The following FAM120C variants were observed in gnomAD, a reference collection of about 807,000 sequenced individuals.
The protein encoded by FAM120C is constitutive coactivator of PPAR-gamma-like protein 2.
A neutral mutation model predicts 71.2 loss-of-function variants in FAM120C; 14 were observed. The observed-to-expected ratio is 0.20, with a 90% CI of 0.13 to 0.31. FAM120C has a LOEUF of 0.31. Ranked by LOEUF, FAM120C falls within the 10% of genes least tolerant of loss-of-function variation. The pLI is 1.00. For missense variants in FAM120C, 500 were observed against 879.0 expected, an observed-to-expected ratio of 0.57 and a Z score of 5.45; for synonymous variants, 354 against 353.2, an observed-to-expected ratio of 1.00 and a Z score of -0.03.
At chrX:54,130,142 G>A (rs1291626720) in intron 9 of FAM120C, among the ~76,000 whole-genome samples, 1 of 97,106 alleles carries the variant, frequency 1.0e-5, no homozygotes, top group East Asian at 3.4e-4. Flanking sequence ...TGGGGAGAGG[G>A]AGAGGGAGAG....
intron 1 of FAM120C, among the ~76,000 whole-genome samples, chrX:54,168,395 A>T (rs1476339435): frequency 9.0e-6 from 1 of 111,720 alleles, no homozygotes; most frequent in Non-Finnish European, 1.9e-5. Flanking sequence ...TTGGCTTCTC[A>T]AACTGCTGGG....
chrX:54,142,570 T>G (rs2067131382), intron 4 of FAM120C, among the ~76,000 whole-genome samples: 1 of 111,103 alleles, frequency 9.0e-6, no homozygotes, highest in African/African-American at 3.3e-5. Flanking sequence ...GAGGCTTGAG[T>G]AGGTAAACGA....
intron 13 of FAM120C, 88 bp downstream of exon 13, chrX:54,085,627 C>T (rs1350996763): frequency 1.2e-5 from 10 of 842,485 alleles, no homozygotes; most frequent in Non-Finnish European, 1.7e-5. Flanking sequence ...ATATGTGAAA[C>T]TGTTGATCCT....
chrX:54,107,135 C>T (rs1001367185), intron 10 of FAM120C, among the ~76,000 whole-genome samples: 4 of 107,940 alleles, frequency 3.7e-5, no homozygotes, highest in African/African-American at 1.3e-4. Flanking sequence ...TTTGCTCTGT[C>T]GCCCAGTCTG....
intron 10 of FAM120C, among the ~76,000 whole-genome samples, chrX:54,099,177 T>A (rs1468891158): frequency 9.2e-6 from 1 of 109,161 alleles, no homozygotes; most frequent in Non-Finnish European, 1.9e-5. Context: ...TACGCCCAGC[T>A]GCTTTTTAAA....
rs1350171999 is a variant in FAM120C, at chrX:54,071,272, T to G, written c.*1761A>C. The G allele has an allele frequency of 2.7e-5, 3 of 112,535 alleles. No homozygotes were observed. Among genetic ancestry groups the G allele is most frequent in the Non-Finnish European group, 5.6e-5 (3 of 53,296 alleles). The allele number at this position is 112,535 out of a possible 1,213,427, so 9.3% of individuals were successfully genotyped here. On this transcript the variant is annotated 3_prime_UTR_variant, in exon 16 of 16. Coordinates refer to ENST00000375180, the MANE Select transcript of FAM120C (RefSeq NM_017848.6). ...CAAGATTATCTCCAGCAAGGAGGAA[T>G]AGCCTCTTTATCCTGGGCAGATCCT...
chrX:54,083,744 G>T (rs1188841437), intron 13 of FAM120C, among the ~76,000 whole-genome samples: 2 of 110,949 alleles, frequency 1.8e-5, no homozygotes, highest in Non-Finnish European at 3.8e-5. Flanking sequence ...TTGACACAGA[G>T]CCTCGCCATG....
intron 1 of FAM120C, among the ~76,000 whole-genome samples, chrX:54,160,726 T>C (rs1049526782): frequency 4.5e-5 from 5 of 111,560 alleles, no homozygotes; most frequent in African/African-American, 1.3e-4. Flanking sequence ...ATATGTACTA[T>C]GTGCATTAAC....
intron 12 of FAM120C, among the ~76,000 whole-genome samples, chrX:54,086,559 G>T (rs1321399164): frequency 9.1e-6 from 1 of 109,541 alleles, no homozygotes; most frequent in Non-Finnish European, 1.9e-5. Context: ...TTCAAGACCA[G>T]CCTGACCAAT....
intron 2 of FAM120C, among the ~76,000 whole-genome samples, chrX:54,158,539 C>A (rs1405946050): frequency 8.9e-6 from 1 of 111,766 alleles, no homozygotes; most frequent in Non-Finnish European, 1.9e-5. Flanking sequence ...GAGGCCGAGG[C>A]GGGTGGATTG....
chrX:54,080,248 T>G lies in FAM120C; in HGVS notation c.3020A>C (p.Lys1007Thr). ...EQTGRGSKGHKKGNKQGSSDG... is the reference protein window; with the variant it reads ...EQTGRGSKGHTKGNKQGSSDG... ...AATACTTACTTGCTTATTTCCTTTT[T>G]TGTGTCCCTTGGATCCTCTACCAGT... Residue 1007 changes from lysine to threonine, a missense_variant, in exon 15 of 16, where the codon AAA becomes ACA. Coordinates refer to ENST00000375180, the MANE Select transcript of FAM120C (RefSeq NM_017848.6). 1.7e-6 allele frequency: 2 copies of G among 1,209,266 alleles called. No homozygotes were observed. Among genetic ancestry groups the G allele is most frequent in the Non-Finnish European group, 2.2e-6 (2 of 893,729 alleles).
intron 4 of FAM120C, among the ~76,000 whole-genome samples, chrX:54,137,241 C>T (rs1443847649): frequency 4.5e-5 from 5 of 111,643 alleles, no homozygotes; most frequent in African/African-American, 1.6e-4. Context: ...GCGTAAGCCA[C>T]GGTGCCCGGC....
chrX:54,149,285 G>A (rs782173502), intron 4 of FAM120C, among the ~76,000 whole-genome samples: 3 of 111,970 alleles, frequency 2.7e-5, no homozygotes, highest in East Asian at 5.6e-4. Context: ...CAGGTAACAC[G>A]CAACAACTTA....
chrX:54,159,730 A>T, intron 1 of FAM120C, 114 bp from the exon 2 acceptor site: 3 of 658,424 alleles, frequency 4.6e-6, no homozygotes, highest in Non-Finnish European at 6.6e-6. Flanking sequence ...ATTGTACGTG[A>T]GAGAACAGAA....
At chrX:54,173,838 T>C in intron 1 of FAM120C, 1 of 266,862 alleles carries the variant, frequency 3.7e-6, no homozygotes, top group Non-Finnish European at 6.6e-6. Flanking sequence ...CCCCCAAACT[T>C]AGTGGCTTAA....
chrX:54,157,137 G>A (rs782598346), intron 3 of FAM120C, among the ~76,000 whole-genome samples: 2 of 111,647 alleles, frequency 1.8e-5, no homozygotes, highest in African/African-American at 6.5e-5. Flanking sequence ...TTTCTCTCTT[G>A]TGAATTTTCT....
chrX:54,080,240 T>G lies in FAM120C; in HGVS notation c.3028A>C (p.Asn1010His), dbSNP rs1316670877. ...GRGSKGHKKGNKQGSSDGVSK... is the reference protein window; with the variant it reads ...GRGSKGHKKGHKQGSSDGVSK... Reference sequence around the variant, plus strand: ...TCAAAAAAAATACTTACTTGCTTATTTCCTTTTTTGTGTCCCTTGGATCCT... The same window carrying G: ...TCAAAAAAAATACTTACTTGCTTATGTCCTTTTTTGTGTCCCTTGGATCCT... The change falls in exon 15 of 16, where the codon AAT becomes CAT. Residue 1010 changes from asparagine to histidine, a missense_variant. Asn to His is a moderately conservative substitution (Grantham distance 68). Around this residue, in one of 11 missense-constraint regions of FAM120C, gnomAD observed 85 missense variants for 96.1 expected, o/e 0.88. Transcript: ENST00000375180. The G allele has an allele frequency of 8.3e-6, 10 of 1,208,725 alleles. No homozygotes were observed. The highest frequency in any genetic ancestry group is 1.1e-5 in the Non-Finnish European group (10 of 893,099).
Position 54,074,374 on chromosome X carries a change from G to GA in FAM120C, c.3037-1088dup, listed in dbSNP as rs201229824. On this transcript the variant is annotated intron_variant, in intron 15 of 15. Coordinates refer to ENST00000375180, the MANE Select transcript of FAM120C (RefSeq NM_017848.6). The stretch of plus-strand genomic sequence containing the variant: ...ATTGAACAGGCAAATGCAAGAAAAG[G>GA]AAAAAAAACACAGAAGATCTATGTG... Among the ~76,000 whole-genome samples, 316 of 111,196 alleles carry GA rather than the reference G, an allele frequency of 2.8e-3. 2 individuals are homozygous for GA. Among genetic ancestry groups the GA allele is most frequent in the South Asian group, 4.8e-3 (13 of 2,694 alleles).
At chrX:54,079,425 CAG>C (rs2066753434) in intron 15 of FAM120C, among the ~76,000 whole-genome samples, 1 of 107,574 alleles carries the variant, frequency 9.3e-6, no homozygotes, top group Non-Finnish European at 1.9e-5. Context: ...GCCTGAGTGA[CAG>C]AGTGAGACCC....
Sources: gnomAD v4.1 joint callset for allele counts (sites outside exome capture counted in the v4.1 genomes callset) on GRCh38, gnomAD v4.1.1 for gene constraint, gnomAD v4.1.1 regional missense constraint, MANE v1.5 for transcripts, NCBI Gene and HGNC (gene_info 2026-07-23, HGNC 2026-07-21) for gene names.